NTM: variants seen among roughly 807,000 people sequenced by gnomAD.
NTM encodes neurotrimin.
In NTM, 13 loss-of-function variants were observed where a neutral mutation model predicts 42.1. The ratio of observed to expected loss-of-function variants is 0.31; its 90% CI spans 0.20 to 0.49. The LOEUF is 0.49. Among genes scored for constraint, NTM ranks in the 20% least tolerant of loss-of-function variants. NTM has a pLI of 0.99. For missense variants in NTM, 373 were observed against 452.8 expected, an observed-to-expected ratio of 0.82 and a Z score of 1.60; for synonymous variants, 187 against 179.2, an observed-to-expected ratio of 1.04 and a Z score of -0.35.
intron 2 of NTM, among the ~76,000 whole-genome samples, chr11:132,046,826 C>CTATCTATCTACTGTT (rs1296415854): frequency 6.6e-6 from 1 of 151,740 alleles, no homozygotes; most frequent in African/African-American, 2.4e-5. Context: ...ATCTATCTAA[C>CTATCTATCTACTGTT]TATCTATCTA....
In NTM at chr11:131,728,679, C is replaced by T. The variant is rs185344089; in HGVS notation, c.83-182885C>T. 1.2e-3 allele frequency among the ~76,000 whole-genome samples: 180 copies of T among 152,268 alleles called. 3 individuals are homozygous for T. In the East Asian group the frequency reaches 0.03, roughly 26 times the overall value. ...TCGCCAAGGCCTGATTTTTCAAATT[C>T]GAAAAATTGCAACCTCAGGCATAAA... is the stretch of plus-strand genomic sequence containing the variant. On this transcript the variant is annotated intron_variant, in intron 1 of 8. Transcript: ENST00000683400.
chr11:131,584,792 G>A (rs10894414), intron 1 of NTM, among the ~76,000 whole-genome samples: 1 of 151,992 alleles, frequency 6.6e-6, no homozygotes, highest in Non-Finnish European at 1.5e-5. Flanking sequence ...TCTCTGGTTC[G>A]CCGAGAGGCC....
chr11:131,891,510 C>A (rs1480958499), intron 1 of NTM, among the ~76,000 whole-genome samples: 1 of 152,116 alleles, frequency 6.6e-6, no homozygotes, highest in Non-Finnish European at 1.5e-5. Flanking sequence ...TTTCACGGGG[C>A]CACACGCTGC....
At chr11:131,773,325 C>T (rs1167966181) in intron 1 of NTM, among the ~76,000 whole-genome samples, 2 of 152,212 alleles carry the variant, frequency 1.3e-5, no homozygotes, top group African/African-American at 4.8e-5. Flanking sequence ...CCCAAAGCCC[C>T]ACTGCTTAAT....
At chr11:132,096,069 G>A (rs1482751719) in intron 2 of NTM, among the ~76,000 whole-genome samples, 1 of 152,180 alleles carries the variant, frequency 6.6e-6, no homozygotes, top group African/African-American at 2.4e-5. Flanking sequence ...CTGACAGAGT[G>A]CAGTCAAGCC....
chr11:131,481,120 T>C (rs747870742), intron 1 of NTM, among the ~76,000 whole-genome samples: 9 of 152,140 alleles, frequency 5.9e-5, no homozygotes, highest in Non-Finnish European at 1.0e-4. Flanking sequence ...TTGATACTGA[T>C]GGATTGTGAA....
intron 2 of NTM, among the ~76,000 whole-genome samples, chr11:132,043,955 A>G (rs962653829): frequency 9.1e-6 from 1 of 109,298 alleles, no homozygotes; most frequent in Non-Finnish European, 1.8e-5. Flanking sequence ...ACAGACACCA[A>G]CTATGTGTGT....
intron 1 of NTM, among the ~76,000 whole-genome samples, chr11:131,818,757 C>T (rs545141810): frequency 4.6e-5 from 7 of 152,182 alleles, no homozygotes; most frequent in East Asian, 1.9e-4. Flanking sequence ...TTACACTTAC[C>T]GATCATCTGA....
intron 1 of NTM, among the ~76,000 whole-genome samples, chr11:131,863,567 A>G (rs1174389938): frequency 6.6e-6 from 1 of 152,220 alleles, no homozygotes; most frequent in African/African-American, 2.4e-5. Flanking sequence ...TGCAAAGGCC[A>G]TGAGCTAGAG....
chr11:131,819,247 G>T (rs2093078176), intron 1 of NTM, among the ~76,000 whole-genome samples: 1 of 152,124 alleles, frequency 6.6e-6, no homozygotes, highest in African/African-American at 2.4e-5. Flanking sequence ...CTCAACTTTG[G>T]CTGCACATAT....
At chr11:131,390,000 G>A (rs1943805755) in intron 1 of NTM, among the ~76,000 whole-genome samples, 1 of 152,284 alleles carries the variant, frequency 6.6e-6, no homozygotes, top group South Asian at 2.1e-4. Flanking sequence ...ATCTCTCTGG[G>A]TGCTTGTGTT....
intron 1 of NTM, among the ~76,000 whole-genome samples, chr11:131,448,019 T>A (rs1275847217): frequency 6.6e-6 from 1 of 152,238 alleles, no homozygotes; most frequent in Non-Finnish European, 1.5e-5. Context: ...CTGGACCTGG[T>A]GGCTTGGAGG....
At chr11:132,029,084 GT>G (rs1035076130) in intron 2 of NTM, among the ~76,000 whole-genome samples, 2 of 151,066 alleles carry the variant, frequency 1.3e-5, no homozygotes, top group South Asian at 4.2e-4. Flanking sequence ...GTTTTGTTTT[GT>G]TTTTTTGCTA....
At chr11:132,167,720 A>C (rs1257943601) in intron 3 of NTM, among the ~76,000 whole-genome samples, 5 of 152,216 alleles carry the variant, frequency 3.3e-5, no homozygotes, top group Non-Finnish European at 7.3e-5. Flanking sequence ...AGTCATTCAT[A>C]GTTCCAATGA....
rs144422006 is a variant in NTM at position 131,546,083 on chromosome 11, A to G, written c.82+175195A>G. ...ATTTACTTTTATCGAAAGAAACACTAATAATTTATAGCCTCATGCACCATG... is the reference window on the plus strand; with the variant it reads ...ATTTACTTTTATCGAAAGAAACACTGATAATTTATAGCCTCATGCACCATG... On this transcript the variant is annotated intron_variant, in intron 1 of 8. Transcript: ENST00000683400. Among the ~76,000 whole-genome samples the G allele has an allele frequency of 1.5e-3, 225 of 152,290 alleles. 1 individual carries two copies. The highest frequency in any genetic ancestry group is 4.6e-3 in the African/African-American group (190 of 41,576).
chr11:132,238,757 G>A (rs996569411), intron 4 of NTM, among the ~76,000 whole-genome samples: 1 of 152,138 alleles, frequency 6.6e-6, no homozygotes, highest in African/African-American at 2.4e-5. Context: ...TTACATTCTT[G>A]CTGTAAGCTG....
intron 1 of NTM, among the ~76,000 whole-genome samples, chr11:131,839,905 T>G (rs2044009794): frequency 6.6e-6 from 1 of 152,312 alleles, no homozygotes; most frequent in Admixed American, 6.5e-5. Flanking sequence ...GACACATGAC[T>G]TCCAAAAGTA....
chr11:131,563,323 G>C (rs886161733), intron 1 of NTM, among the ~76,000 whole-genome samples: 1 of 151,884 alleles, frequency 6.6e-6, no homozygotes, highest in African/African-American at 2.4e-5. Flanking sequence ...GTAATTTATC[G>C]GGTAGTGGGA....
chr11:131,649,687 G>A (rs1435680239), intron 1 of NTM, among the ~76,000 whole-genome samples: 1 of 152,200 alleles, frequency 6.6e-6, no homozygotes, highest in East Asian at 1.9e-4. Flanking sequence ...GGCGGTGCAT[G>A]TAGTTTAAGC....
Sources: allele counts gnomAD v4.1 joint callset (sites outside exome capture counted in the v4.1 genomes callset), GRCh38; gene constraint gnomAD v4.1.1; transcripts MANE v1.5; gene names NCBI Gene and HGNC (gene_info 2026-07-23, HGNC 2026-07-21).